Variants in XIRP2 observed in about 807,000 individuals in gnomAD.
XIRP2 encodes the protein xin actin binding repeat containing 2.
A neutral mutation model predicts 277.0 loss-of-function variants in XIRP2; 236 were observed. The observed-to-expected ratio is 0.85, with a 90% CI of 0.77 to 0.95. The LOEUF (loss-of-function observed/expected upper bound fraction) is 0.95, where lower values mean the gene tolerates loss of function less well. Among genes scored for constraint, XIRP2 ranks in the 40% least tolerant of loss-of-function variants. The probability of loss-of-function intolerance (pLI) is 0.00; values close to 1 mark genes in which losing one functional copy is unlikely to be tolerated. For missense variants in XIRP2, 4,640 were observed against 4,157.5 expected, an observed-to-expected ratio of 1.12 and a Z score of -3.19; for synonymous variants, 1,490 against 1,416.5, an observed-to-expected ratio of 1.05 and a Z score of -1.17.
chr2:167,123,441 G>A (rs1242957251), intron 2 of XIRP2, among the ~76,000 whole-genome samples: 1 of 152,174 alleles, frequency 6.6e-6, no homozygotes, highest in African/African-American at 2.4e-5. Context: ...TGGTTTGCTA[G>A]GGGTGCCGTA....
Position 167,249,274 on chromosome 2 carries a change from C to A in XIRP2, c.7882C>A (p.Gln2628Lys), listed in dbSNP as rs1451044548. 3.1e-6 allele frequency: 5 copies of A among 1,613,836 alleles called. No individual in the cohort carries two copies. Among genetic ancestry groups the A allele is most frequent in the Middle Eastern group, 3.3e-4 (2 of 6,060 alleles). The stretch of plus-strand genomic sequence containing the variant: ...GATACTAGGAGTGTGTTCTGATAAC[C>A]AACTCTCCACAACATCGCCAGAAAC... ...ARILGVCSDN[Q>K]LSTTSPETVA... Residue 2628 changes from glutamine to lysine, a missense_variant, in exon 9 of 11, where the codon CAA (glutamine) becomes AAA (lysine). Coordinates refer to ENST00000409195, the MANE Select transcript of XIRP2 (RefSeq NM_152381.6).
intron 3 of XIRP2, among the ~76,000 whole-genome samples, chr2:167,144,548 T>C (rs1691812809): frequency 6.6e-6 from 1 of 152,174 alleles, no homozygotes; most frequent in African/African-American, 2.4e-5. Context: ...TTAATTGTTT[T>C]GTTTAATATT....
At chr2:167,189,763 C>A (rs1243375601) in intron 3 of XIRP2, among the ~76,000 whole-genome samples, 1 of 152,164 alleles carries the variant, frequency 6.6e-6, no homozygotes, top group Non-Finnish European at 1.5e-5. Context: ...CCAACCAATT[C>A]TCCAACTCTC....
intron 2 of XIRP2, among the ~76,000 whole-genome samples, chr2:167,087,443 G>C (rs1202551795): frequency 6.6e-6 from 1 of 152,016 alleles, no homozygotes; most frequent in African/African-American, 2.4e-5. Context: ...AGGCAGGCAG[G>C]CCTCCTTGAG....
intron 2 of XIRP2, among the ~76,000 whole-genome samples, chr2:166,999,691 A>C (rs78289038): frequency 0.035 from 5,384 of 152,222 alleles, 120 homozygotes; most frequent in East Asian, 0.078. Flanking sequence ...AAATGATTTA[A>C]TTTCAAATCT....
chr2:167,050,262 A>G (rs1688883317), intron 2 of XIRP2, among the ~76,000 whole-genome samples: 1 of 152,038 alleles, frequency 6.6e-6, no homozygotes, highest in Admixed American at 6.6e-5. Flanking sequence ...TGAATAATCC[A>G]ATGATTTAGG....
chr2:167,011,075 C>A (rs963095147), intron 2 of XIRP2, among the ~76,000 whole-genome samples: 3 of 151,530 alleles, frequency 2.0e-5, no homozygotes, highest in East Asian at 1.9e-4. Flanking sequence ...CCTTCTCCTG[C>A]CTAATTGCCC....
At chr2:166,943,976 A>G (rs746384930) in intron 2 of XIRP2, among the ~76,000 whole-genome samples, 1 of 152,242 alleles carries the variant, frequency 6.6e-6, no homozygotes, top group Non-Finnish European at 1.5e-5. Context: ...CTTGATGTGT[A>G]TAATTGAGCA....
intron 2 of XIRP2, among the ~76,000 whole-genome samples, chr2:167,129,640 G>A (rs1215283599): frequency 6.6e-6 from 1 of 151,954 alleles, no homozygotes; most frequent in Non-Finnish European, 1.5e-5. Context: ...GGAGGCCGAG[G>A]CAAGTGGATC....
At chr2:167,028,754 A>T (rs751375423) in intron 2 of XIRP2, among the ~76,000 whole-genome samples, 7 of 151,972 alleles carry the variant, frequency 4.6e-5, no homozygotes, top group Non-Finnish European at 8.8e-5. Flanking sequence ...AATGACAGAG[A>T]TATTTGACCT....
rs898460869 is a variant in XIRP2 at position 167,087,830 on chromosome 2, C to T, written c.409-48079C>T. On this transcript the variant is annotated intron_variant, in intron 2 of 10. Transcript: ENST00000409195. ...CACGGTGCGTGCACCCACTGACCTG[C>T]GCCCACTGTCTGGCACTCCCTAGTG... Among the ~76,000 whole-genome samples the T allele has an allele frequency of 5.9e-5, 9 of 152,138 alleles. 1 individual carries two copies. Among genetic ancestry groups the T allele is most frequent in the African/African-American group, 1.7e-4 (7 of 41,410 alleles).
At chr2:167,176,577 G>A (rs1188260338) in intron 3 of XIRP2, among the ~76,000 whole-genome samples, 1 of 151,980 alleles carries the variant, frequency 6.6e-6, no homozygotes, top group Admixed American at 6.5e-5. Context: ...CTTCCTTTGG[G>A]GCTTCATGAT....
intron 2 of XIRP2, among the ~76,000 whole-genome samples, chr2:167,066,591 A>G (rs1375837293): frequency 6.6e-6 from 1 of 152,116 alleles, no homozygotes; most frequent in Non-Finnish European, 1.5e-5. Context: ...ATGTAGAGTT[A>G]CCATATTAAC....
chr2:167,159,797 T>C (rs904649107), intron 3 of XIRP2, among the ~76,000 whole-genome samples: 1 of 152,232 alleles, frequency 6.6e-6, no homozygotes, highest in South Asian at 2.1e-4. Context: ...TATGACACAA[T>C]GCTCATTTCT....
At chr2:167,100,648 T>C (rs1690461936) in intron 2 of XIRP2, among the ~76,000 whole-genome samples, 1 of 152,220 alleles carries the variant, frequency 6.6e-6, no homozygotes, top group South Asian at 2.1e-4. Context: ...AGAATTGTCA[T>C]TTGTCTTTCT....
At chr2:167,209,516 C>A (rs1437783803) in intron 3 of XIRP2, among the ~76,000 whole-genome samples, 1 of 151,894 alleles carries the variant, frequency 6.6e-6, no homozygotes, top group Non-Finnish European at 1.5e-5. Flanking sequence ...ATTATAACAA[C>A]CCAAATAAGA....
intron 10 of XIRP2, among the ~76,000 whole-genome samples, chr2:167,257,460 C>A (rs552068271): frequency 6.6e-6 from 1 of 151,930 alleles, no homozygotes; most frequent in South Asian, 2.1e-4. Context: ...CCTTCCAGCT[C>A]GTTCAAAATC....
chr2:167,258,461 C>T lies in XIRP2; in HGVS notation c.*644C>T, dbSNP rs765652311. On this transcript the variant is annotated 3_prime_UTR_variant, in exon 11 of 11. Transcript: ENST00000409195. ...AAAGAAGGAAGGAAGGAAGAATGTG[C>T]AAGATAGGCCGAGTGAAGCTGAAGA... The T allele has an allele frequency of 6.2e-6, 10 of 1,612,906 alleles. No individual in the cohort carries two copies. The African/African-American group carries it at 8.0e-5, about 13-fold the overall frequency.
chr2:167,020,998 A>C (rs1687966415), intron 2 of XIRP2, among the ~76,000 whole-genome samples: 1 of 152,120 alleles, frequency 6.6e-6, no homozygotes, highest in South Asian at 2.1e-4. Context: ...GGTGTTCCAC[A>C]TAAATGGCTG....
Sources: gnomAD v4.1 joint callset for allele counts (sites outside exome capture counted in the v4.1 genomes callset) on GRCh38, gnomAD v4.1.1 for gene constraint, MANE v1.5 for transcripts, NCBI Gene and HGNC (gene_info 2026-07-23, HGNC 2026-07-21) for gene names.